Variants in PCDHA5 observed in about 807,000 individuals in gnomAD.
The protein encoded by PCDHA5 is protocadherin alpha-5.
In PCDHA5, 43 loss-of-function variants were observed where a neutral mutation model predicts 61.6. The ratio of observed to expected loss-of-function variants is 0.70; its 90% confidence interval spans 0.55 to 0.90. The LOEUF (loss-of-function observed/expected upper bound fraction) is 0.90. Among genes scored for constraint, PCDHA5 ranks in the 40% least tolerant of loss-of-function variants. PCDHA5 has a pLI of 0.00. For synonymous variants in PCDHA5, 627 were observed against 543.9 expected, an observed-to-expected ratio of 1.15 and a Z score of -2.13; for missense variants, 1,298 against 1,222.7, an observed-to-expected ratio of 1.06 and a Z score of -0.92.
chr5:140,885,410 G>A (rs1203684049), intron 1 of PCDHA5, among the ~76,000 whole-genome samples: 3 of 152,088 alleles, frequency 2.0e-5, no homozygotes, highest in Non-Finnish European at 4.4e-5. Flanking sequence ...TTTAATAGCT[G>A]TGTAGTATTC....
intron 1 of PCDHA5, chr5:140,861,198 G>A: frequency 6.1e-6 from 1 of 162,948 alleles, no homozygotes; most frequent in Non-Finnish European, 1.3e-5. Context: ...ATGAAATATT[G>A]TTTTACTAAC....
At chr5:140,856,514 G>A in intron 1 of PCDHA5, 1 of 1,598,422 alleles carries the variant, frequency 6.3e-7, no homozygotes. Context: ...ACTAGAAGGC[G>A]CATCTGATGC....
chr5:140,974,440 C>T (rs782138345), intron 1 of PCDHA5, among the ~76,000 whole-genome samples: 7 of 152,182 alleles, frequency 4.6e-5, no homozygotes, highest in Admixed American at 1.3e-4. Context: ...TGTAAATTAG[C>T]ATTTTAAATG....
chr5:140,972,910 C>G (rs2096563603), intron 1 of PCDHA5, among the ~76,000 whole-genome samples: 1 of 152,054 alleles, frequency 6.6e-6, no homozygotes, highest in Non-Finnish European at 1.5e-5. Flanking sequence ...GATCCACCCG[C>G]CTTGGCCTCC....
intron 2 of PCDHA5, among the ~76,000 whole-genome samples, chr5:140,981,266 A>C (rs1355658823): frequency 6.6e-6 from 1 of 152,166 alleles, no homozygotes; most frequent in Non-Finnish European, 1.5e-5. Context: ...AAGATAAGCA[A>C]ATGTCTAGTT....
At chr5:140,846,383 T>C (rs1416297479) in intron 1 of PCDHA5, among the ~76,000 whole-genome samples, 1 of 137,386 alleles carries the variant, frequency 7.3e-6, no homozygotes, top group African/African-American at 2.6e-5. Flanking sequence ...CTTTTTTTTT[T>C]TTTTTTTTTG....
intron 1 of PCDHA5, among the ~76,000 whole-genome samples, chr5:140,958,321 AAAAT>A: frequency 1.3e-5 from 2 of 152,256 alleles, no homozygotes; most frequent in Middle Eastern, 6.8e-3. Context: ...TAGAGCTCAA[AAAAT>A]AAATAAATCA....
Position 140,844,332 on chromosome 5 carries a change from G to C in PCDHA5, c.2352+20205G>C, listed in dbSNP as rs2150370679. On this transcript the variant is annotated intron_variant, in intron 1 of 3. Coordinates refer to ENST00000529859, the MANE Select transcript of PCDHA5 (RefSeq NM_018908.3). ...TTCTTCCTAATTTTATTATAAACTA[G>C]TTAAAAAGTAAAATCAAGAGGGAAG... Among the ~76,000 whole-genome samples the C allele has an allele frequency of 8.0e-5, 12 of 149,222 alleles. 2 individuals carry two copies. The highest frequency in any genetic ancestry group is 1.8e-4 in the Non-Finnish European group (12 of 66,748).
At chr5:140,848,403 G>A (rs1052101954) in intron 1 of PCDHA5, 4 of 1,316,724 alleles carry the variant, frequency 3.0e-6, no homozygotes. Context: ...GCTGAACGAT[G>A]GCGAACACAG....
intron 1 of PCDHA5, among the ~76,000 whole-genome samples, chr5:140,905,776 G>A (rs190550917): frequency 2.4e-3 from 372 of 152,186 alleles, no homozygotes; most frequent in Non-Finnish European, 4.1e-3. Context: ...ATTCCGAAGT[G>A]TATTAGTCAG....
At chr5:140,990,029 A>G (rs1343846819) in intron 3 of PCDHA5, among the ~76,000 whole-genome samples, 1 of 152,146 alleles carries the variant, frequency 6.6e-6, no homozygotes, top group African/African-American at 2.4e-5. Context: ...AAAGGATGGG[A>G]GAAGTCAGTC....
intron 1 of PCDHA5, chr5:140,866,442 T>C (rs2049360062): frequency 6.6e-6 from 1 of 151,872 alleles, no homozygotes; most frequent in Non-Finnish European, 1.5e-5. Flanking sequence ...TCTTCTTCAG[T>C]CTTATTGTTG....
At chr5:140,938,468 A>T (rs1427570517) in intron 1 of PCDHA5, among the ~76,000 whole-genome samples, 1 of 152,096 alleles carries the variant, frequency 6.6e-6, no homozygotes, top group Non-Finnish European at 1.5e-5. Flanking sequence ...TTAATTTATT[A>T]TGTTTTTTAA....
chr5:140,876,306 C>A (rs2056271023), intron 1 of PCDHA5: 1 of 1,613,986 alleles, frequency 6.2e-7, no homozygotes, highest in Non-Finnish European at 8.5e-7. Context: ...GAGAAATTTC[C>A]TATGGGATCA....
chr5:140,969,491 C>T (rs2096337176), intron 1 of PCDHA5: 8 of 1,449,294 alleles, frequency 5.5e-6, no homozygotes, highest in Non-Finnish European at 7.3e-6. Context: ...CTGCTATTTC[C>T]TCTCTAGAAA....
intron 1 of PCDHA5, among the ~76,000 whole-genome samples, chr5:140,933,742 A>G (rs1242551337): frequency 6.6e-6 from 1 of 152,068 alleles, no homozygotes; most frequent in Non-Finnish European, 1.5e-5. Context: ...AATATTTGGT[A>G]GAATTCACTA....
chr5:140,824,618 T>TTTTTTTTTA (rs1562279613), intron 1 of PCDHA5: 1 of 128,814 alleles, frequency 7.8e-6, no homozygotes, highest in Middle Eastern at 3.3e-3. Flanking sequence ...AAGTTTTTTT[T>TTTTTTTTTA]TTTTTTTTTT....
intron 1 of PCDHA5, chr5:140,881,384 G>T (rs1299609025): frequency 2.0e-6 from 2 of 984,186 alleles, no homozygotes; most frequent in Non-Finnish European, 2.4e-6. Flanking sequence ...GCCGGCGGCG[G>T]TAAGTTAAAT....
At chr5:140,849,350 T>C in intron 1 of PCDHA5, 1 of 1,437,842 alleles carries the variant, frequency 7.0e-7, no homozygotes, top group Non-Finnish European at 9.5e-7. Flanking sequence ...CCAGTGATGT[T>C]TCTCCAGATA....
Sources: allele counts gnomAD v4.1 joint callset (sites outside exome capture counted in the v4.1 genomes callset), GRCh38; gene constraint gnomAD v4.1.1; transcripts MANE v1.5; gene names NCBI Gene and HGNC (gene_info 2026-07-23, HGNC 2026-07-21).